SLC25A15: variants seen among roughly 807,000 people sequenced by gnomAD.
SLC25A15 encodes mitochondrial ornithine transporter 1.
Under a neutral mutation model 32.3 loss-of-function variants are expected in SLC25A15, and 24 were observed. That is an observed-to-expected ratio of 0.74 (90% CI 0.54 to 1.04). SLC25A15 has a LOEUF of 1.04. SLC25A15 is among the 50% of genes least tolerant of loss of function. The pLI is 0.00. For synonymous variants in SLC25A15, 132 were observed against 142.1 expected, an observed-to-expected ratio of 0.93 and a Z score of 0.51; for missense variants, 317 against 374.5, an observed-to-expected ratio of 0.85 and a Z score of 1.27.
intron 2 of SLC25A15, among the ~76,000 whole-genome samples, chr13:40,795,330 C>T (rs1458872842): frequency 6.6e-6 from 1 of 152,196 alleles, no homozygotes; most frequent in Non-Finnish European, 1.5e-5. Context: ...GATCTAGAAC[C>T]TATGGTGATA....
chr13:40,790,006 C>T (rs1490103178), intron 1 of SLC25A15, among the ~76,000 whole-genome samples: 1 of 152,150 alleles, frequency 6.6e-6, no homozygotes, highest in Non-Finnish European at 1.5e-5. Flanking sequence ...GGCGGCTGGG[C>T]AGGGGCGGTG....
In SLC25A15 at chr13:40,807,407, G is replaced by A. The variant is rs1289409545; in HGVS notation, c.566G>A (p.Gly189Asp). Residue 189 changes from glycine to aspartate, a missense_variant, in exon 5 of 7, where the codon GGT becomes GAT. Transcript: ENST00000338625. ...REVPGYFFFF[G>D]GYELSRSFFA... ...GTACCAGGCTATTTCTTCTTCTTCGGTGGCTATGAACTGAGCCGGTCCTTT... is the reference window on the plus strand; with the variant it reads ...GTACCAGGCTATTTCTTCTTCTTCGATGGCTATGAACTGAGCCGGTCCTTT... 1.2e-6 allele frequency: 2 copies of A among 1,614,136 alleles called. No homozygotes were observed. Among genetic ancestry groups the A allele is most frequent in the Non-Finnish European group, 1.7e-6 (2 of 1,180,020 alleles).
intron 1 of SLC25A15, 138 bp from the exon 2 acceptor site, chr13:40,793,020 C>T: frequency 1.6e-6 from 1 of 621,942 alleles, no homozygotes; most frequent in South Asian, 1.7e-5. Flanking sequence ...TGCACTGATA[C>T]CTTGAGCCCC....
intron 5 of SLC25A15, 35 bp downstream of exon 5, chr13:40,807,498 A>G (rs766476051): frequency 6.2e-7 from 1 of 1,608,650 alleles, no homozygotes; most frequent in South Asian, 1.1e-5. Flanking sequence ...GTGGGGTGTG[A>G]TGGTGTTTGC....
intron 3 of SLC25A15, among the ~76,000 whole-genome samples, chr13:40,802,881 CT>C (rs1169467107): frequency 6.6e-6 from 1 of 151,946 alleles, no homozygotes; most frequent in Non-Finnish European, 1.5e-5. Context: ...CCCATCTGTG[CT>C]TTTGCTCACA....
At chr13:40,790,830 G>GC (rs1261419332) in intron 1 of SLC25A15, among the ~76,000 whole-genome samples, 1 of 152,120 alleles carries the variant, frequency 6.6e-6, no homozygotes, top group African/African-American at 2.4e-5. Flanking sequence ...CAGGTGATCC[G>GC]CCCGCCTTGG....
chr13:40,799,031 A>G lies in SLC25A15; in HGVS notation c.56-26A>G, dbSNP rs201543522. 216 of 1,614,186 alleles carry G rather than the reference A, an allele frequency of 1.3e-4. 1 individual carries two copies. In the East Asian group the frequency reaches 3.7e-3, roughly 28 times the overall value. On this transcript the variant is annotated intron_variant, in intron 2 of 6. Transcript: ENST00000338625. ...GATAATGGAACTGTAGCCTCGTACT[A>G]GAGCAGTCATCTGTCCTGATTGCAG...
chr13:40,806,631 T>C (rs938210773), intron 4 of SLC25A15, among the ~76,000 whole-genome samples: 10 of 152,246 alleles, frequency 6.6e-5, no homozygotes, highest in African/African-American at 2.4e-4. Flanking sequence ...TTTATTACCT[T>C]GGGACTTGAT....
chr13:40,798,963 A>G, intron 2 of SLC25A15, 94 bp from the exon 3 acceptor site: 1 of 1,610,636 alleles, frequency 6.2e-7, no homozygotes, highest in South Asian at 1.1e-5. Flanking sequence ...GAACCGAAGC[A>G]GGGGTAAGTT....
chr13:40,807,143 C>T, intron 4 of SLC25A15, 151 bp from the exon 5 acceptor site: 1 of 769,678 alleles, frequency 1.3e-6, no homozygotes. Context: ...CAGAAGGATG[C>T]CGTTGAGTCT....
At chr13:40,798,082 C>A (rs1052274839) in intron 2 of SLC25A15, among the ~76,000 whole-genome samples, 1 of 152,112 alleles carries the variant, frequency 6.6e-6, no homozygotes, top group Non-Finnish European at 1.5e-5. Context: ...GAGTTAGAGA[C>A]CACCCTGGCC....
chr13:40,799,419 G>C (rs1881797028), intron 3 of SLC25A15, 104 bp downstream of exon 3: 1 of 1,480,356 alleles, frequency 6.8e-7, no homozygotes. Context: ...GGGAGGCAAA[G>C]GCAGGAAAAT....
intron 5 of SLC25A15, among the ~76,000 whole-genome samples, chr13:40,808,198 C>T (rs1882275272): frequency 6.6e-6 from 1 of 152,222 alleles, no homozygotes; most frequent in Admixed American, 6.5e-5. Flanking sequence ...CGAAATATAA[C>T]CCTCACTAAG....
intron 6 of SLC25A15, among the ~76,000 whole-genome samples, chr13:40,809,308 C>T (rs989938067): frequency 6.6e-6 from 1 of 152,182 alleles, no homozygotes; most frequent in African/African-American, 2.4e-5. Flanking sequence ...GTTAACCAAG[C>T]GTGGAATTGG....
chr13:40,810,714 A>C lies in SLC25A15; in HGVS notation c.*1047A>C. ...GAGGGTCAGGCCTTTGGGAAATAGC[A>C]TGGCCTTTACCAGCTTCCCTTCTCT... On this transcript the variant is annotated 3_prime_UTR_variant, in exon 7 of 7. Transcript: ENST00000338625. 1.9e-6 allele frequency: 1 copy of C among 533,710 alleles called. No individual in the cohort carries two copies. Among genetic ancestry groups the C allele is most frequent in the Non-Finnish European group, 3.8e-6 (1 of 259,830 alleles). The allele number at this position is 533,710 out of a possible 1,614,324, so 33.1% of individuals were successfully genotyped here. A position where few individuals can be genotyped will look rare whatever the true frequency, so the allele number is the denominator to read the frequency against.
In SLC25A15 at chr13:40,809,955, C is replaced by G; in HGVS notation, c.*288C>G. The G allele has an allele frequency of 2.4e-6, 1 of 418,656 alleles. No homozygotes were observed. Among genetic ancestry groups the G allele is most frequent in the South Asian group, 2.2e-5 (1 of 44,848 alleles). The allele number at this position is 418,656 out of a possible 1,614,324, so 25.9% of individuals were successfully genotyped here. On this transcript the variant is annotated 3_prime_UTR_variant, in exon 7 of 7. Transcript: ENST00000338625. ...CTAATTCAAAAGGTGGAATATAGTT[C>G]TGTCAGGGCTTTTACGTAAACCTCC...
chr13:40,796,732 CCT>C (rs2138042918), intron 2 of SLC25A15, among the ~76,000 whole-genome samples: 1 of 152,248 alleles, frequency 6.6e-6, no homozygotes, highest in African/African-American at 2.4e-5. Context: ...GCTTCTCTCT[CCT>C]CACCTCTCTG....
rs747658091 is a variant in SLC25A15, at chr13:40,808,546, G to C, written c.731G>C (p.Gly244Ala). ...AGAATTCAAGTTCTTTCCATGTCTG[G>C]AAAACAGGCAGGATTTATCAGAACC... ...KSRIQVLSMS[G>A]KQAGFIRTFI... Residue 244 changes from glycine to alanine, a missense_variant, in exon 6 of 7, where the codon GGA (glycine) becomes GCA (alanine). Physicochemically the swap from Gly to Ala is moderately conservative, Grantham distance 60. Coordinates refer to ENST00000338625, the MANE Select transcript of SLC25A15 (RefSeq NM_014252.4). 2 of 1,611,256 alleles carry C rather than the reference G, an allele frequency of 1.2e-6. No individual in the cohort carries two copies. The highest frequency in any genetic ancestry group is 1.7e-5 in the Admixed American group (1 of 60,010).
At chr13:40,806,095 C>T (rs1882162919) in intron 4 of SLC25A15, among the ~76,000 whole-genome samples, 1 of 152,118 alleles carries the variant, frequency 6.6e-6, no homozygotes, top group Admixed American at 6.5e-5. Context: ...TTTTCTGCAC[C>T]CTTGAGATTC....
Sources: allele counts gnomAD v4.1 joint callset (sites outside exome capture counted in the v4.1 genomes callset), GRCh38; gene constraint gnomAD v4.1.1; transcripts MANE v1.5; gene names NCBI Gene and HGNC (gene_info 2026-07-23, HGNC 2026-07-21).